CTNNA3: variants seen among roughly 807,000 people sequenced by gnomAD.
The protein encoded by CTNNA3 is catenin alpha-3.
In CTNNA3, 76 loss-of-function variants were observed where a neutral mutation model predicts 95.7. The ratio of observed to expected loss-of-function variants is 0.79; its 90% CI spans 0.66 to 0.96. The LOEUF (loss-of-function observed/expected upper bound fraction) is 0.96, where lower values mean the gene tolerates loss of function less well. CTNNA3 is among the 40% of genes least tolerant of loss of function. CTNNA3 has a pLI of 0.00. For synonymous variants in CTNNA3, 431 were observed against 374.4 expected (o/e 1.15, Z -1.74); for missense variants, 1,191 against 1,089.8 (o/e 1.09, Z -1.31).
chr10:66,329,732 T>C (rs972396413), intron 12 of CTNNA3, among the ~76,000 whole-genome samples: 1 of 151,954 alleles, frequency 6.6e-6, no homozygotes, highest in Non-Finnish European at 1.5e-5. Flanking sequence ...AGAAATAGAG[T>C]TATATCAAAT....
chr10:66,431,079 G>T (rs2093291154), intron 11 of CTNNA3, among the ~76,000 whole-genome samples: 1 of 151,668 alleles, frequency 6.6e-6, no homozygotes, highest in Non-Finnish European at 1.5e-5. Flanking sequence ...TCAAAAAGTG[G>T]GCAAAGGATA....
intron 5 of CTNNA3, among the ~76,000 whole-genome samples, chr10:67,507,033 C>T (rs1382090302): frequency 6.6e-6 from 1 of 151,898 alleles, no homozygotes; most frequent in Non-Finnish European, 1.5e-5. Flanking sequence ...AGAATGGAGA[C>T]TCAAATAAAA....
chr10:67,468,415 A>T (rs554252203), intron 5 of CTNNA3, among the ~76,000 whole-genome samples: 223 of 152,264 alleles, frequency 1.5e-3, no homozygotes, highest in African/African-American at 4.5e-3. Flanking sequence ...AAAGTTTTTT[A>T]AAAAAATTAG....
chr10:66,390,210 T>C (rs1340957977), intron 11 of CTNNA3, among the ~76,000 whole-genome samples: 1 of 152,184 alleles, frequency 6.6e-6, no homozygotes, highest in Non-Finnish European at 1.5e-5. Flanking sequence ...GCACATTTTG[T>C]TTGCAAAAGC....
rs532812252 is a variant in CTNNA3, at chr10:67,305,153, G to A, written c.580-85283C>T. Among the ~76,000 whole-genome samples the A allele has an allele frequency of 3.9e-5, 6 of 152,098 alleles. No homozygotes were observed. In the South Asian group the frequency reaches 8.3e-4, roughly 21 times the overall value. On this transcript the variant is annotated intron_variant, in intron 5 of 17. Transcript: ENST00000433211. ...TAGCAGGGAGTGGTGGGGGGCGCCC[G>A]TAGTCCCAGCTACGTGGGAGGCTGA... is the stretch of plus-strand genomic sequence containing the variant.
At chr10:66,487,983 T>C (rs10997175) in intron 11 of CTNNA3, among the ~76,000 whole-genome samples, 6,929 of 152,222 alleles carry the variant, frequency 0.046, 477 homozygotes, top group East Asian at 0.32. Context: ...AGTATTTGTG[T>C]ATATGGGTAG....
At chr10:67,231,562 A>G (rs935150842) in intron 5 of CTNNA3, among the ~76,000 whole-genome samples, 1 of 152,220 alleles carries the variant, frequency 6.6e-6, no homozygotes, top group African/African-American at 2.4e-5. Flanking sequence ...AGATAAAACC[A>G]CAAAGATGTG....
chr10:66,210,222 G>A (rs10996973), intron 13 of CTNNA3, among the ~76,000 whole-genome samples: 35,048 of 151,120 alleles, frequency 0.23, 6,784 homozygotes, highest in African/African-American at 0.54. Context: ...GGAAGAAATG[G>A]CTTAGGTATG....
rs565291990 is a variant in CTNNA3, at chr10:67,232,616, A to C, written c.580-12746T>G. ...AACTGCATCAACTAACGAGCAAAAT[A>C]ACCAGCTAACATCATAATGACAGGA... On this transcript the variant is annotated intron_variant, in intron 5 of 17. Coordinates refer to ENST00000433211, the MANE Select transcript of CTNNA3 (RefSeq NM_013266.4). 2.9e-3 allele frequency among the ~76,000 whole-genome samples: 440 copies of C among 152,124 alleles called. 24 individuals carry two copies. The South Asian group carries it at 0.088, about 30-fold the overall frequency.
intron 7 of CTNNA3, among the ~76,000 whole-genome samples, chr10:66,813,458 A>C (rs908993422): frequency 6.6e-6 from 1 of 152,214 alleles, no homozygotes; most frequent in African/African-American, 2.4e-5. Flanking sequence ...AGAGTTAGGA[A>C]AGTTTAACTC....
chr10:66,438,420 C>G (rs2093352856), intron 11 of CTNNA3, among the ~76,000 whole-genome samples: 1 of 152,190 alleles, frequency 6.6e-6, no homozygotes, highest in Admixed American at 6.5e-5. Flanking sequence ...TCTAGAGAGG[C>G]AGTCTGGCTA....
chr10:67,412,317 T>G (rs1053514352), intron 5 of CTNNA3, among the ~76,000 whole-genome samples: 2 of 152,118 alleles, frequency 1.3e-5, no homozygotes, highest in African/African-American at 2.4e-5. Flanking sequence ...TTAATAAAAT[T>G]CAACAAAAAG....
At chr10:67,169,535 C>A (rs1428619690) in intron 7 of CTNNA3, among the ~76,000 whole-genome samples, 3 of 152,126 alleles carry the variant, frequency 2.0e-5, no homozygotes. Context: ...TGGGAAAAGA[C>A]TCCCTATTCA....
chr10:67,419,714 CAT>C (rs1845679830), intron 5 of CTNNA3, among the ~76,000 whole-genome samples: 1 of 152,222 alleles, frequency 6.6e-6, no homozygotes, highest in African/African-American at 2.4e-5. Flanking sequence ...TGCCAGGGAA[CAT>C]ACATGCCAAT....
chr10:67,607,031 A>C lies in CTNNA3; in HGVS notation c.118T>G (p.Cys40Gly). 6.2e-7 allele frequency: 1 copy of C among 1,611,032 alleles called. No homozygotes were observed. Among genetic ancestry groups the C allele is most frequent in the Non-Finnish European group, 8.5e-7 (1 of 1,179,198 alleles). The change falls in exon 3 of 18, where the codon TGT (cysteine) becomes GGT (glycine). Residue 40 changes from cysteine to glycine, a missense_variant. Physicochemically the swap from Cys to Gly is radical, Grantham distance 159. Transcript: ENST00000433211. ...TTCCTGCTGGAAGGGTTCTGGGGAC[A>C]GTTTACAAGTGTGGTAACCTAAAAT... ...LIIQVTTLVN[C>G]PQNPSSRKKG... is the part of the protein sequence containing the mutation.
chr10:67,669,895 T>A (rs3125322), intron 1 of CTNNA3, among the ~76,000 whole-genome samples: 34,543 of 152,140 alleles, frequency 0.23, 7,867 homozygotes, highest in African/African-American at 0.59. Flanking sequence ...TCCATCCACG[T>A]TAATAATTTA....
intron 6 of CTNNA3, among the ~76,000 whole-genome samples, chr10:67,212,608 T>C (rs1209495399): frequency 6.6e-6 from 1 of 151,978 alleles, no homozygotes; most frequent in Non-Finnish European, 1.5e-5. Flanking sequence ...CAGAAACCCT[T>C]TATCAAGAAA....
chr10:66,816,025 C>T (rs1842066092), intron 7 of CTNNA3, among the ~76,000 whole-genome samples: 1 of 152,090 alleles, frequency 6.6e-6, no homozygotes, highest in African/African-American at 2.4e-5. Flanking sequence ...GTGATAACTA[C>T]CAATTCGTGT....
intron 7 of CTNNA3, among the ~76,000 whole-genome samples, chr10:66,859,303 T>A (rs1175932199): frequency 6.6e-6 from 1 of 151,496 alleles, no homozygotes; most frequent in South Asian, 2.1e-4. Context: ...TACAATGAAC[T>A]CAAACAAATT....
Sources: gnomAD v4.1 joint callset for allele counts (sites outside exome capture counted in the v4.1 genomes callset) on GRCh38, gnomAD v4.1.1 for gene constraint, MANE v1.5 for transcripts, NCBI Gene and HGNC (gene_info 2026-07-23, HGNC 2026-07-21) for gene names.